The following ITM2C variants were observed in gnomAD, a reference collection of about 807,000 sequenced individuals.
The protein encoded by ITM2C is integral membrane protein 2C.
Under a neutral mutation model 30.0 loss-of-function variants are expected in ITM2C, and 20 were observed. The ratio of observed to expected loss-of-function variants is 0.67; its 90% confidence interval spans 0.47 to 0.97. The LOEUF is 0.97. Among genes scored for constraint, ITM2C ranks in the 50% least tolerant of loss-of-function variants. ITM2C has a pLI of 0.00. For missense variants in ITM2C, 366 were observed against 371.9 expected, an observed-to-expected ratio of 0.98 and a Z score of 0.13; for synonymous variants, 167 against 156.4, an observed-to-expected ratio of 1.07 and a Z score of -0.51.
chr2:230,873,057 G>A (rs1306858413), intron 1 of ITM2C, among the ~76,000 whole-genome samples: 2 of 152,028 alleles, frequency 1.3e-5, no homozygotes. Context: ...CCTATCTTCT[G>A]TTTGAAAGAA....
At chr2:230,870,674 C>A (rs73096767) in intron 1 of ITM2C, among the ~76,000 whole-genome samples, 2 of 152,162 alleles carry the variant, frequency 1.3e-5, no homozygotes, top group Non-Finnish European at 2.9e-5. Flanking sequence ...TAACCTCCCT[C>A]GGTGGGGCCT....
chr2:230,875,501 T>C (rs1574597341), intron 2 of ITM2C, 119 bp from the exon 3 acceptor site: 1 of 843,422 alleles, frequency 1.2e-6, no homozygotes, highest in East Asian at 2.5e-5. Flanking sequence ...CAGTCCCTGC[T>C]CTTCTTGCTT....
chr2:230,864,541 G>A (rs1413617139), upstream of ITM2C: 1 of 152,574 alleles, frequency 6.6e-6, no homozygotes, highest in Admixed American at 6.5e-5. The surrounding 1 kb of genome is among the most constrained non-coding windows in gnomAD (Gnocchi z 4.3). Context: ...AAGACCTGAA[G>A]TGGGGCAGGA....
In ITM2C at chr2:230,865,073, C is replaced by A; in HGVS notation, c.48C>A (p.Asp16Glu). Residue 16 changes from aspartate (D) to glutamate (E), a missense_variant, in exon 1 of 6, where the codon GAC becomes GAA. Coordinates refer to ENST00000326427, the MANE Select transcript of ITM2C (RefSeq NM_030926.6). This position sits in a 1 kb window ranked among gnomAD's most constrained non-coding sequence, Gnocchi z 6.8. ...CCGCCGTGGCTGGCATCAAGGGCGA[C>A]AAGGCTGACAAGGCGTCGGCGTCGG... The part of the protein sequence containing the change: ...FQPAVAGIKG[D>E]KADKASASAP... 6.5e-7 allele frequency: 1 copy of A among 1,537,192 alleles called. No individual in the cohort carries two copies. The highest frequency in any genetic ancestry group is 8.8e-7 in the Non-Finnish European group (1 of 1,139,272).
In ITM2C at chr2:230,865,962, C is replaced by G. The variant is rs991027053; in HGVS notation, c.120+817C>G. Among the ~76,000 whole-genome samples the G allele has an allele frequency of 2.0e-5, 3 of 152,230 alleles. No individual in the cohort carries two copies. Among genetic ancestry groups the G allele is most frequent in the Admixed American group, 6.5e-5 (1 of 15,294 alleles). On this transcript the variant is annotated intron_variant, in intron 1 of 5. Coordinates refer to ENST00000326427, the MANE Select transcript of ITM2C (RefSeq NM_030926.6). This position sits in a 1 kb window ranked among gnomAD's most constrained non-coding sequence, Gnocchi z 6.8. ...TCCCCGGGCTCTGTGCGCGTTCCCC[C>G]ACCCCTGTCATCCCCCTCCCCTACC...
At chr2:230,870,757 G>A (rs1003261810) in intron 1 of ITM2C, among the ~76,000 whole-genome samples, 3 of 151,968 alleles carry the variant, frequency 2.0e-5, no homozygotes, top group South Asian at 2.1e-4. Context: ...GCATTAAGGC[G>A]GAAAGGCGGA....
At chr2:230,874,398 T>TC (rs1329263182) in intron 2 of ITM2C, among the ~76,000 whole-genome samples, 1 of 152,124 alleles carries the variant, frequency 6.6e-6, no homozygotes, top group African/African-American at 2.4e-5. Flanking sequence ...ATGGCCTGCG[T>TC]CCCCCTCGTT....
upstream of ITM2C, chr2:230,864,604 C>G (rs1039993130): frequency 6.5e-6 from 1 of 152,808 alleles, no homozygotes; most frequent in African/African-American, 2.4e-5. The surrounding 1 kb of genome is among the most constrained non-coding windows in gnomAD (Gnocchi z 4.3). Context: ...ACTGGGTTAA[C>G]AAAGACTTGC....
At chr2:230,874,527 C>A (rs1010341334) in intron 2 of ITM2C, among the ~76,000 whole-genome samples, 1 of 152,182 alleles carries the variant, frequency 6.6e-6, no homozygotes, top group Non-Finnish European at 1.5e-5. Context: ...CTTCTCCCCA[C>A]ACCCCAATTC....
upstream of ITM2C, among the ~76,000 whole-genome samples, chr2:230,864,339 G>A (rs1412982790): frequency 6.6e-6 from 1 of 152,150 alleles, no homozygotes; most frequent in Non-Finnish European, 1.5e-5. The surrounding 1 kb of genome is among the most constrained non-coding windows in gnomAD (Gnocchi z 4.3). Flanking sequence ...GACCCCCCAG[G>A]AAGGTTTTGC....
At chr2:230,869,312 A>G (rs1697106927) in intron 1 of ITM2C, among the ~76,000 whole-genome samples, 1 of 152,120 alleles carries the variant, frequency 6.6e-6, no homozygotes, top group South Asian at 2.1e-4. Flanking sequence ...AGGACAGGAG[A>G]GTGATGGGGA....
At chr2:230,876,690 T>C (rs996257302) in intron 3 of ITM2C, among the ~76,000 whole-genome samples, 167 bp from the exon 4 acceptor site, 1 of 151,770 alleles carries the variant, frequency 6.6e-6, no homozygotes, top group Non-Finnish European at 1.5e-5. Flanking sequence ...ACCATGTTAG[T>C]CAGGATGGTC....
chr2:230,864,962 C>A lies in ITM2C; in HGVS notation c.-64C>A. 7.4e-7 allele frequency: 1 copy of A among 1,357,316 alleles called. No homozygotes were observed. The highest frequency in any genetic ancestry group is 9.6e-7 in the Non-Finnish European group (1 of 1,043,832). 84.1% of individuals were successfully genotyped at this position (1,357,316 alleles called of 1,614,324 possible). On this transcript the variant is annotated 5_prime_UTR_variant, in exon 1 of 6. Transcript: ENST00000326427. This position sits in a 1 kb window ranked among gnomAD's most constrained non-coding sequence, Gnocchi z 4.3. ...CCGGTGCCTGCAGAGCTCGGAGCGG[C>A]GGAGGCAGAGACCGAGGCTGCACCG...
Position 230,877,561 on chromosome 2 carries a change from G to C in ITM2C, c.712+11G>C. The stretch of plus-strand genomic sequence containing the variant: ...GGGCAACGCGGAGGCGTGAGTGGCT[G>C]GCTTCACCCACAGTAGCCCCTGTCC... On this transcript the variant is annotated intron_variant, in intron 5 of 5. Coordinates refer to ENST00000326427, the MANE Select transcript of ITM2C (RefSeq NM_030926.6). This position sits in a 1 kb window ranked among gnomAD's most constrained non-coding sequence, Gnocchi z 4.8. The C allele has an allele frequency of 6.2e-7, 1 of 1,612,926 alleles. No individual in the cohort carries two copies. The highest frequency in any genetic ancestry group is 1.3e-5 in the African/African-American group (1 of 75,034).
intron 3 of ITM2C, 77 bp downstream of exon 3, chr2:230,875,885 A>T (rs1697284587): frequency 1.6e-6 from 2 of 1,234,656 alleles, no homozygotes; most frequent in Admixed American, 4.1e-5. Flanking sequence ...CAGGGATGAA[A>T]GGAGACTCCT....
chr2:230,875,675 C>T lies in ITM2C; in HGVS notation c.317C>T (p.Ser106Phe). ...CGVLYEDSLS[S>F]QVRTQMELEE... is the part of the protein sequence containing the mutation. ...GTGCTGTATGAGGACTCCCTGTCCT[C>T]CCAGGTCCGGACTCAGATGGAGCTG... The change falls in exon 3 of 6, where the codon TCC (serine) becomes TTC (phenylalanine). Residue 106 changes from serine (S) to phenylalanine (F), a missense_variant. Ser to Phe is a radical substitution (Grantham distance 155). Transcript: ENST00000326427. 1.2e-6 allele frequency: 2 copies of T among 1,613,812 alleles called. No homozygotes were observed. The highest frequency in any genetic ancestry group is 1.7e-6 in the Non-Finnish European group (2 of 1,179,818).
intron 1 of ITM2C, among the ~76,000 whole-genome samples, chr2:230,869,934 A>C (rs922818641): frequency 6.6e-6 from 1 of 152,212 alleles, no homozygotes; most frequent in African/African-American, 2.4e-5. Context: ...TCTACTATCT[A>C]AATGGGAGCC....
In ITM2C at chr2:230,865,018, G is replaced by A; in HGVS notation, c.-8G>A. 6.7e-7 allele frequency: 1 copy of A among 1,491,128 alleles called. No individual in the cohort carries two copies. Among genetic ancestry groups the A allele is most frequent in the South Asian group, 1.3e-5 (1 of 77,548 alleles). The allele number at this position is 1,491,128 out of a possible 1,614,324, so 92.4% of individuals were successfully genotyped here. The stretch of plus-strand genomic sequence containing the variant: ...GGCTGCGGGGCGGACGCGCGGGCCG[G>A]CGCAGCCATGGTGAAGATTAGCTTC... On this transcript the variant is annotated 5_prime_UTR_variant, in exon 1 of 6. Transcript: ENST00000326427. The surrounding 1 kb of genome is among the most constrained non-coding windows in gnomAD (Gnocchi z 6.8).
chr2:230,868,118 G>C (rs550434915), intron 1 of ITM2C, among the ~76,000 whole-genome samples: 7 of 152,136 alleles, frequency 4.6e-5, no homozygotes, highest in Non-Finnish European at 8.8e-5. Flanking sequence ...GCACCCTCTC[G>C]GTGGGCACTG....
Sources: gnomAD v4.1 joint callset for allele counts (sites outside exome capture counted in the v4.1 genomes callset) on GRCh38, gnomAD v4.1.1 for gene constraint, Gnocchi (gnomAD v3.1) non-coding constraint, MANE v1.5 for transcripts, NCBI Gene and HGNC (gene_info 2026-07-23, HGNC 2026-07-21) for gene names.